CASK: variants seen among roughly 807,000 people sequenced by gnomAD.
CASK encodes peripheral plasma membrane protein CASK.
In CASK, 4 loss-of-function variants were observed where a neutral mutation model predicts 82.9. The observed-to-expected ratio is 0.05, with a 90% confidence interval of 0.02 to 0.11. CASK has a LOEUF of 0.11. Ranked by LOEUF, CASK falls within the 10% of genes least tolerant of loss-of-function variation. CASK has a pLI of 1.00. For synonymous variants in CASK, 259 were observed against 253.5 expected (o/e 1.02, Z -0.20); for missense variants, 358 against 720.9 (o/e 0.50, Z 5.76).
chrX:41,721,347 T>C (rs2068162475), intron 5 of CASK, among the ~76,000 whole-genome samples: 1 of 111,733 alleles, frequency 8.9e-6, no homozygotes, highest in African/African-American at 3.3e-5. Context: ...TTTACATATA[T>C]TTCAATTGGG....
intron 5 of CASK, among the ~76,000 whole-genome samples, chrX:41,686,338 G>A (rs1452026008): frequency 1.8e-5 from 2 of 110,478 alleles, no homozygotes; most frequent in African/African-American, 6.6e-5. Context: ...TGATCTGCCC[G>A]CCTCGGTCTC....
intron 12 of CASK, among the ~76,000 whole-genome samples, chrX:41,604,405 A>G (rs1311579575): frequency 9.6e-6 from 1 of 104,356 alleles, no homozygotes; most frequent in Non-Finnish European, 2.0e-5. Context: ...CGCACAGAGA[A>G]TGACATGTGA....
intron 8 of CASK, 130 bp downstream of exon 8, chrX:41,660,309 A>G: frequency 1.8e-6 from 1 of 555,722 alleles, no homozygotes; most frequent in African/African-American, 2.3e-5. Flanking sequence ...AGCAAACAAG[A>G]TGAAAAAAAC....
rs748392522 is a variant in CASK, at chrX:41,786,391, CT to C, written c.278+786del. The stretch of plus-strand genomic sequence containing the variant: ...CCTAATCAAAGTCACTGATTACAAC[CT>C]TTTTTTTTTTTTTTTAGAAAAAAAT... On this transcript the variant is annotated intron_variant, in intron 3 of 26. Transcript: ENST00000378163. 5.7e-3 allele frequency among the ~76,000 whole-genome samples: 537 copies of C among 94,962 alleles called. 2 individuals are homozygous for C. The highest frequency in any genetic ancestry group is 0.012 in the African/African-American group (312 of 26,225). The allele number at this position is 94,962 out of a possible 115,157, so 82.5% of individuals were successfully genotyped here.
intron 5 of CASK, among the ~76,000 whole-genome samples, chrX:41,695,251 A>T (rs901923692): frequency 9.0e-6 from 1 of 110,992 alleles, no homozygotes; most frequent in Non-Finnish European, 1.9e-5. Context: ...TACATACAGT[A>T]GGATAAAAGT....
At chrX:41,676,564 G>A (rs2067269779) in intron 5 of CASK, 2 of 893,091 alleles carry the variant, frequency 2.2e-6, no homozygotes, top group Non-Finnish European at 3.1e-6. Context: ...CCTGGCGGGC[G>A]CCGCTGGGCC....
At chrX:41,707,079 A>T (rs1293987632) in intron 5 of CASK, among the ~76,000 whole-genome samples, 1 of 112,306 alleles carries the variant, frequency 8.9e-6, no homozygotes, top group Non-Finnish European at 1.9e-5. Context: ...ATCCAAGGAA[A>T]TGTGTTAGAT....
At chrX:41,798,592 T>A (rs987422784) in intron 2 of CASK, among the ~76,000 whole-genome samples, 1 of 112,712 alleles carries the variant, frequency 8.9e-6, no homozygotes, top group African/African-American at 3.2e-5. Context: ...CCCAGCACTT[T>A]GGGAGGCCAA....
chrX:41,684,259 C>T (rs1299532452), intron 5 of CASK, among the ~76,000 whole-genome samples: 1 of 111,385 alleles, frequency 9.0e-6, no homozygotes, highest in African/African-American at 3.3e-5. Context: ...CAGAAACTAG[C>T]GAAGTTAACA....
At chrX:41,908,025 C>G (rs2072498332) in intron 1 of CASK, among the ~76,000 whole-genome samples, 1 of 111,519 alleles carries the variant, frequency 9.0e-6, no homozygotes, top group Non-Finnish European at 1.9e-5. Context: ...TGCTCACCTC[C>G]TGTTGTGCGG....
At chrX:41,840,339 A>T (rs1312811644) in intron 2 of CASK, among the ~76,000 whole-genome samples, 1 of 112,099 alleles carries the variant, frequency 8.9e-6, no homozygotes, top group Non-Finnish European at 1.9e-5. Flanking sequence ...TTTGGTGTTA[A>T]TATAATGTGT....
intron 1 of CASK, among the ~76,000 whole-genome samples, chrX:41,879,205 C>T (rs1469017279): frequency 9.0e-6 from 1 of 110,911 alleles, no homozygotes. Context: ...TTACACTAAA[C>T]AAAATTGAAA....
At chrX:41,620,939 A>G (rs1428540158) in intron 11 of CASK, among the ~76,000 whole-genome samples, 2 of 112,071 alleles carry the variant, frequency 1.8e-5, no homozygotes, top group African/African-American at 6.5e-5. Flanking sequence ...CTCTAATGCC[A>G]TTATGATTAT....
At chrX:41,555,532 A>G in intron 20 of CASK, 68 bp downstream of exon 20, 1 of 810,912 alleles carries the variant, frequency 1.2e-6, no homozygotes. Context: ...TGGGATGGAA[A>G]GGGTTAATAA....
At chrX:41,733,131 G>T (rs757209061) in intron 5 of CASK, among the ~76,000 whole-genome samples, 3 of 100,286 alleles carry the variant, frequency 3.0e-5, no homozygotes, top group African/African-American at 1.1e-4. Context: ...AGCTGAGACC[G>T]TGCCACTGCA....
chrX:41,804,216 C>T (rs745431618), intron 2 of CASK, among the ~76,000 whole-genome samples: 97 of 110,667 alleles, frequency 8.8e-4, no homozygotes, highest in African/African-American at 2.9e-3. Flanking sequence ...GGTGTGGTGG[C>T]GGGCGCCTGT....
chrX:41,613,062 C>T (rs1472724934), intron 11 of CASK, among the ~76,000 whole-genome samples: 2 of 109,822 alleles, frequency 1.8e-5, no homozygotes, highest in Non-Finnish European at 3.8e-5. Flanking sequence ...TGAGGGGCGC[C>T]TCTGCCCGGC....
intron 5 of CASK, among the ~76,000 whole-genome samples, chrX:41,710,034 G>A (rs1264084240): frequency 9.7e-6 from 1 of 102,829 alleles, no homozygotes; most frequent in Admixed American, 1.1e-4. Context: ...TTTTAAATTC[G>A]CTAAATCTCA....
intron 1 of CASK, among the ~76,000 whole-genome samples, chrX:41,876,366 C>A (rs1210381963): frequency 9.0e-6 from 1 of 111,393 alleles, no homozygotes; most frequent in Non-Finnish European, 1.9e-5. Context: ...CAGTGAGAAT[C>A]CGGGTCCTAA....
Sources: allele counts gnomAD v4.1 joint callset (sites outside exome capture counted in the v4.1 genomes callset), GRCh38; gene constraint gnomAD v4.1.1; transcripts MANE v1.5; gene names NCBI Gene and HGNC (gene_info 2026-07-23, HGNC 2026-07-21).